FBXW9: variants seen among roughly 807,000 people sequenced by gnomAD.
The protein encoded by FBXW9 is F-box and WD repeat domain containing 9.
Under a neutral mutation model 55.8 loss-of-function variants are expected in FBXW9, and 38 were observed. The observed-to-expected ratio is 0.68, with a 90% CI of 0.53 to 0.89. The LOEUF is 0.89. Ranked by LOEUF, FBXW9 falls within the 40% of genes least tolerant of loss-of-function variation. The pLI is 0.00. For missense variants in FBXW9, 590 were observed against 619.4 expected (o/e 0.95, Z 0.50); for synonymous variants, 289 against 278.2 (o/e 1.04, Z -0.38).
At chr19:12,693,584 ACACACACACACACACAC>A (rs2025039894) in intron 3 of FBXW9, among the ~76,000 whole-genome samples, 1 of 114,526 alleles carries the variant, frequency 8.7e-6, no homozygotes, top group African/African-American at 5.3e-5. Flanking sequence ...ACACACACAC[ACACACACACACACACAC>A]ACACACAAAA....
At chr19:12,690,190 C>T (rs1328203982) in intron 5 of FBXW9, 80 bp from the exon 6 acceptor site, 1 of 1,591,458 alleles carries the variant, frequency 6.3e-7, no homozygotes, top group East Asian at 2.2e-5. Context: ...CATCCCGGGT[C>T]TCCATCCTGT....
rs2025055233 is a variant in FBXW9 at position 12,694,854 on chromosome 19, T to C, written c.494A>G (p.Tyr165Cys). Residue 165 changes from tyrosine to cysteine, a missense_variant, in exon 2 of 10, where the codon TAC becomes TGC. Coordinates refer to ENST00000393261, the MANE Select transcript of FBXW9 (RefSeq NM_032301.3). ...CACGTGGCCTTCGGCCAGGCAGAAGTATTCGACCCAGCGCCCATCCTCTGC... is the reference window on the plus strand; with the variant it reads ...CACGTGGCCTTCGGCCAGGCAGAAGCATTCGACCCAGCGCCCATCCTCTGC... Reference protein sequence around the residue: ...RWAEDGRWVEYFCLAEGHVAS... With the variant: ...RWAEDGRWVECFCLAEGHVAS... 6.2e-7 allele frequency: 1 copy of C among 1,614,042 alleles called. No individual in the cohort carries two copies. The highest frequency in any genetic ancestry group is 8.5e-7 in the Non-Finnish European group (1 of 1,180,024).
rs776995130 is a variant in FBXW9, at chr19:12,689,287, A to T, written c.1306T>A (p.Cys436Ser). ...GCCACCACCAGGTTGCCCTCAGCACAGACCTGGGAAGGGGGAGGAACATGA... is the reference window on the plus strand; with the variant it reads ...GCCACCACCAGGTTGCCCTCAGCACTGACCTGGGAAGGGGGAGGAACATGA... ...RRHDNGLNRVCAEGNLVVAGS... is the reference protein window; with the variant it reads ...RRHDNGLNRVSAEGNLVVAGS... The change falls in exon 10 of 10, where the codon TGT becomes AGT. Residue 436 changes from cysteine to serine, a missense_variant. Transcript: ENST00000393261. This position sits in a 1 kb window ranked among gnomAD's most constrained non-coding sequence, Gnocchi z 5.9. 8 of 1,614,228 alleles carry T rather than the reference A, an allele frequency of 5.0e-6. No individual in the cohort carries two copies.
chr19:12,690,306 C>T (rs1435223256), intron 5 of FBXW9, 196 bp from the exon 6 acceptor site: 45 of 836,916 alleles, frequency 5.4e-5, no homozygotes, highest in East Asian at 4.0e-4. Context: ...CAGGCCTCTG[C>T]CCATCCCCGT....
rs770085587 is a variant in FBXW9 at position 12,691,151 on chromosome 19, G to C, written c.883+15C>G. Reference sequence around the variant, plus strand: ...ATGACATCTCCCAACCTGGGCCCCAGGACCCTTGGCCCACCTCTGGGGTCG... The same window carrying C: ...ATGACATCTCCCAACCTGGGCCCCACGACCCTTGGCCCACCTCTGGGGTCG... On this transcript the variant is annotated intron_variant, in intron 5 of 9. Coordinates refer to ENST00000393261, the MANE Select transcript of FBXW9 (RefSeq NM_032301.3). 1 of 1,611,514 alleles carries C rather than the reference G, an allele frequency of 6.2e-7. No homozygotes were observed. The highest frequency in any genetic ancestry group is 8.5e-7 in the Non-Finnish European group (1 of 1,177,840).
rs1599393081 is a variant in FBXW9 at position 12,689,709 on chromosome 19, T to G, written c.1146+52A>C. 3.7e-6 allele frequency: 6 copies of G among 1,603,582 alleles called. No individual in the cohort carries two copies. The East Asian group carries it at 1.1e-4, about 30-fold the overall frequency. The stretch of plus-strand genomic sequence containing the variant: ...TCCCCCACACCACCAGGGGCTCGGG[T>G]AGGAAGGAAGCCCGGGGGGAGGGAC... On this transcript the variant is annotated intron_variant, in intron 7 of 9. Transcript: ENST00000393261. This position sits in a 1 kb window ranked among gnomAD's most constrained non-coding sequence, Gnocchi z 5.9.
In FBXW9 at chr19:12,696,036, T is replaced by G. The variant is rs2025065473; in HGVS notation, c.409+137A>C. On this transcript the variant is annotated intron_variant, in intron 1 of 9. Transcript: ENST00000393261. ...GGCACCACCAGTAACTACCTTAGCC[T>G]CCAGCCTGAGCCAGGACAGCCACGA... 12 of 949,000 alleles carry G rather than the reference T, an allele frequency of 1.3e-5. No individual in the cohort carries two copies. In the South Asian group the frequency reaches 2.2e-4, roughly 18 times the overall value. 58.8% of individuals were successfully genotyped at this position (949,000 alleles called of 1,614,324 possible).
rs759256928 is a variant in FBXW9 at position 12,696,242 on chromosome 19, C to T, written c.340G>A (p.Val114Met). 2 of 1,564,200 alleles carry T rather than the reference C, an allele frequency of 1.3e-6. No homozygotes were observed. The highest frequency in any genetic ancestry group is 1.7e-6 in the Non-Finnish European group (2 of 1,155,136). ...SRVCHALRDL[V>M]SDHVTWRLRA... ...AGCCTCCAGGTGACATGGTCAGACA[C>T]GAGGTCGCGGAGCGCGTGGCACACC... The change falls in exon 1 of 10, where the codon GTG becomes ATG. Residue 114 changes from valine to methionine, a missense_variant. Val to Met is a conservative substitution (Grantham distance 21). Coordinates refer to ENST00000393261, the MANE Select transcript of FBXW9 (RefSeq NM_032301.3).
chr19:12,692,651 C>G (rs952457166), intron 3 of FBXW9, among the ~76,000 whole-genome samples: 1 of 151,456 alleles, frequency 6.6e-6, no homozygotes, highest in Non-Finnish European at 1.5e-5. Context: ...CCTCCCGAGT[C>G]GCTGGGACTA....
chr19:12,689,275 T>G lies in FBXW9; in HGVS notation c.1318A>C (p.Asn440His). The change falls in exon 10 of 10, where the codon AAC becomes CAC. Residue 440 changes from asparagine (N) to histidine (H), a missense_variant. Coordinates refer to ENST00000393261, the MANE Select transcript of FBXW9 (RefSeq NM_032301.3). This position sits in a 1 kb window ranked among gnomAD's most constrained non-coding sequence, Gnocchi z 5.9. ...TCTCCAGAGCCGGCCACCACCAGGT[T>G]GCCCTCAGCACAGACCTGGGAAGGG... is the stretch of plus-strand genomic sequence containing the variant. ...NGLNRVCAEG[N>H]LVVAGSGDLS... is the part of the protein sequence containing the mutation. The G allele has an allele frequency of 6.2e-7, 1 of 1,614,210 alleles. No homozygotes were observed. The highest frequency in any genetic ancestry group is 8.5e-7 in the Non-Finnish European group (1 of 1,180,022).
intron 1 of FBXW9, among the ~76,000 whole-genome samples, chr19:12,695,676 C>T (rs1011003466): frequency 6.6e-6 from 1 of 152,134 alleles, no homozygotes; most frequent in Non-Finnish European, 1.5e-5. Flanking sequence ...CAACTCAGGG[C>T]CAAGAGCCAC....
intron 3 of FBXW9, among the ~76,000 whole-genome samples, chr19:12,692,279 G>C (rs1599395016): frequency 6.7e-6 from 1 of 148,342 alleles, no homozygotes; most frequent in African/African-American, 2.5e-5. Context: ...CCAGGCTGGA[G>C]TGCAATGATA....
rs1260274288 is a variant in FBXW9, at chr19:12,689,009, A to G, written c.*207T>C. 1 of 698,460 alleles carries G rather than the reference A, an allele frequency of 1.4e-6. No individual in the cohort carries two copies. Among genetic ancestry groups the G allele is most frequent in the African/African-American group, 1.7e-5 (1 of 57,162 alleles). The allele number at this position is 698,460 out of a possible 1,614,324, so 43.3% of individuals were successfully genotyped here. A position where few individuals can be genotyped will look rare whatever the true frequency, so the allele number is the denominator to read the frequency against. On this transcript the variant is annotated 3_prime_UTR_variant, in exon 10 of 10. Coordinates refer to ENST00000393261, the MANE Select transcript of FBXW9 (RefSeq NM_032301.3). The surrounding 1 kb of genome is among the most constrained non-coding windows in gnomAD (Gnocchi z 5.9). ...ACAAAACCAGGGCCCAAGAGTGGGA[A>G]GCGGCCCCCTGGGTGGGCCTGAACC... is the stretch of plus-strand genomic sequence containing the variant.
intron 2 of FBXW9, 22 bp downstream of exon 2, chr19:12,694,777 C>G (rs1407319868): frequency 2.5e-6 from 4 of 1,613,526 alleles, no homozygotes; most frequent in Non-Finnish European, 3.4e-6. Context: ...CCCTGCCTGG[C>G]CCCCCACAGA....
In FBXW9 at chr19:12,689,089, G is replaced by A. The variant is rs923417866; in HGVS notation, c.*127C>T. The stretch of plus-strand genomic sequence containing the variant: ...CCCAGGCCAGGACGCTCACCCGAAT[G>A]TGGCTGGGACTCCTTGTGCCCTAGG... On this transcript the variant is annotated 3_prime_UTR_variant, in exon 10 of 10. Transcript: ENST00000393261. The surrounding 1 kb of genome is among the most constrained non-coding windows in gnomAD (Gnocchi z 5.9). 1.2e-6 allele frequency: 1 copy of A among 825,486 alleles called. No individual in the cohort carries two copies. Among genetic ancestry groups the A allele is most frequent in the Middle Eastern group, 2.2e-4 (1 of 4,570 alleles). 51.1% of individuals were successfully genotyped at this position (825,486 alleles called of 1,614,324 possible).
In FBXW9 at chr19:12,689,913, C is replaced by T; in HGVS notation, c.1033-39G>A. ...AAGGGACGGGACAGCTCAGGCCGGG[C>T]TGGGCCTGCAACAGTCCCCATCCCT... On this transcript the variant is annotated intron_variant, in intron 6 of 9. Transcript: ENST00000393261. The surrounding 1 kb of genome is among the most constrained non-coding windows in gnomAD (Gnocchi z 5.9). The T allele has an allele frequency of 3.7e-6, 6 of 1,612,396 alleles. No homozygotes were observed. The highest frequency in any genetic ancestry group is 5.1e-6 in the Non-Finnish European group (6 of 1,178,570).
chr19:12,692,313 C>T (rs1447284185), intron 3 of FBXW9, among the ~76,000 whole-genome samples: 13 of 149,322 alleles, frequency 8.7e-5, no homozygotes, highest in African/African-American at 3.0e-4. Flanking sequence ...CCACAACCTC[C>T]GCCTCCCGAG....
In FBXW9 at chr19:12,689,049, C is replaced by A; in HGVS notation, c.*167G>T. The A allele has an allele frequency of 8.3e-6, 6 of 719,816 alleles. No homozygotes were observed. The highest frequency in any genetic ancestry group is 1.5e-5 in the Non-Finnish European group (6 of 399,786). 44.6% of individuals were successfully genotyped at this position (719,816 alleles called of 1,614,324 possible). A position where few individuals can be genotyped will look rare whatever the true frequency, so the allele number is the denominator to read the frequency against. On this transcript the variant is annotated 3_prime_UTR_variant, in exon 10 of 10. Coordinates refer to ENST00000393261, the MANE Select transcript of FBXW9 (RefSeq NM_032301.3). This position sits in a 1 kb window ranked among gnomAD's most constrained non-coding sequence, Gnocchi z 5.9. Reference sequence around the variant, plus strand: ...GGGCCTGAACCCCAATTTCACCCTTCCCCCGGGCATAGGGCCCAGGCCAGG... The same window carrying A: ...GGGCCTGAACCCCAATTTCACCCTTACCCCGGGCATAGGGCCCAGGCCAGG...
In FBXW9 at chr19:12,691,419, G is replaced by T; in HGVS notation, c.714C>A (p.Arg238=). The change falls in exon 4 of 10, where the codon CGC becomes CGA. Residue 238 remains arginine (R), a synonymous_variant. Coordinates refer to ENST00000393261, the MANE Select transcript of FBXW9 (RefSeq NM_032301.3). ...WVWSLAAQDH[R]VCSGSWDSTV... The stretch of plus-strand genomic sequence containing the variant: ...TGCTGTCCCAGGAGCCGGAGCACAC[G>T]CGGTGGTCCTGCGCTGCCAGTGACC... 6.2e-7 allele frequency: 1 copy of T among 1,601,552 alleles called. No individual in the cohort carries two copies.
Sources: allele counts gnomAD v4.1 joint callset (sites outside exome capture counted in the v4.1 genomes callset), GRCh38; gene constraint gnomAD v4.1.1; non-coding constraint Gnocchi (gnomAD v3.1); transcripts MANE v1.5; gene names NCBI Gene and HGNC (gene_info 2026-07-23, HGNC 2026-07-21).